Variants in RUBCN observed in about 807,000 individuals in gnomAD.
The protein encoded by RUBCN is run domain Beclin-1-interacting and cysteine-rich domain-containing protein.
RUBCN carries 74 observed loss-of-function variants against 113.2 expected under a neutral mutation model. The ratio of observed to expected loss-of-function variants is 0.65; its 90% CI spans 0.54 to 0.79. The LOEUF (loss-of-function observed/expected upper bound fraction) is 0.79. Ranked by LOEUF, RUBCN falls within the 30% of genes least tolerant of loss-of-function variation. The probability of loss-of-function intolerance (pLI) is 0.00; values close to 1 mark genes in which losing one functional copy is unlikely to be tolerated. For missense variants in RUBCN, 1,109 were observed against 1,251.7 expected (o/e 0.89, Z 1.72); for synonymous variants, 480 against 490.0 (o/e 0.98, Z 0.27).
chr3:197,674,880 TAAAA>T lies in RUBCN; in HGVS notation c.*134_*137del, dbSNP rs796413468. ...TGCACACAGACGTCAGACAAGTCAG[TAAAA>T]AAAAAAAAAAAGATGATGATAATTA... On this transcript the variant is annotated 3_prime_UTR_variant, in exon 20 of 20. Transcript: ENST00000296343. 3.7e-4 allele frequency: 169 copies of T among 462,048 alleles called. No homozygotes were observed. The African/African-American group carries it at 6.0e-3, about 16-fold the overall frequency. 28.6% of individuals were successfully genotyped at this position (462,048 alleles called of 1,614,324 possible). A position where few individuals can be genotyped will look rare whatever the true frequency, so the allele number is the denominator to read the frequency against.
intron 11 of RUBCN, among the ~76,000 whole-genome samples, chr3:197,691,787 A>T (rs1297805040): frequency 6.6e-6 from 1 of 152,004 alleles, no homozygotes; most frequent in Non-Finnish European, 1.5e-5. Flanking sequence ...TCCTCCTGAA[A>T]TTCTGACTGC....
At chr3:197,686,437 AC>A (rs1460585475) in intron 11 of RUBCN, among the ~76,000 whole-genome samples, 1 of 152,048 alleles carries the variant, frequency 6.6e-6, no homozygotes, top group African/African-American at 2.4e-5. Context: ...CAAGGCTCTG[AC>A]CCCGGACTGG....
intron 2 of RUBCN, among the ~76,000 whole-genome samples, chr3:197,711,638 G>GT (rs1274053619): frequency 6.6e-6 from 1 of 151,986 alleles, no homozygotes; most frequent in Non-Finnish European, 1.5e-5. Flanking sequence ...CTTGAGACCA[G>GT]CCTGGGCAAC....
At chr3:197,703,698 G>T (rs1393231983) in intron 4 of RUBCN, 44 bp from the exon 5 acceptor site, 1 of 1,268,360 alleles carries the variant, frequency 7.9e-7, no homozygotes, top group South Asian at 1.2e-5. Context: ...CCATCAGGGA[G>T]GCCTTGAGAG....
rs1269599931 is a variant in RUBCN, at chr3:197,675,501, T to C, written c.2661A>G (p.Lys887=). ...HVERCMLCQA[K]GFICEFCQNE... The stretch of plus-strand genomic sequence containing the variant: ...TCTGACAGAACTCACAGATGAAGCC[T>C]TTGGCTTGGCAGAGCTGGGGAGGAA... The change falls in exon 19 of 20, where the codon AAA becomes AAG. Residue 887 remains lysine, a synonymous_variant. Transcript: ENST00000296343. This position sits in a 1 kb window ranked among gnomAD's most constrained non-coding sequence, Gnocchi z 4.4. The C allele has an allele frequency of 6.2e-7, 1 of 1,613,816 alleles. No homozygotes were observed. Among genetic ancestry groups the C allele is most frequent in the Admixed American group, 1.7e-5 (1 of 60,024 alleles).
upstream of RUBCN, among the ~76,000 whole-genome samples, chr3:197,739,248 G>A (rs377177936): frequency 6.9e-6 from 1 of 144,044 alleles, no homozygotes; most frequent in Non-Finnish European, 1.5e-5. Context: ...AAAATTAGCC[G>A]GGCATGGTGG....
intron 1 of RUBCN, among the ~76,000 whole-genome samples, chr3:197,742,267 C>T (rs1314746): frequency 3.9e-5 from 6 of 152,168 alleles, no homozygotes; most frequent in Non-Finnish European, 7.4e-5. Flanking sequence ...CCGAGGTGGG[C>T]GGATCGCTTG....
intron 1 of RUBCN, among the ~76,000 whole-genome samples, chr3:197,741,909 T>C (rs1728539671): frequency 6.6e-6 from 1 of 152,076 alleles, no homozygotes; most frequent in African/African-American, 2.4e-5. Context: ...GCTTTTTCTT[T>C]TTTTTTGAGA....
At chr3:197,698,237 G>A (rs943924999) in intron 7 of RUBCN, among the ~76,000 whole-genome samples, 53 of 152,312 alleles carry the variant, frequency 3.5e-4, no homozygotes, top group Non-Finnish European at 7.2e-4. Flanking sequence ...TAAGAAGAAC[G>A]CTATTCTAAA....
chr3:197,703,397 C>CAAAAA lies in RUBCN; in HGVS notation c.570+146_570+150dup, dbSNP rs1165064210. 284 of 155,788 alleles carry CAAAAA rather than the reference C, an allele frequency of 1.8e-3. 12 individuals are homozygous for CAAAAA. The highest frequency in any genetic ancestry group is 2.2e-3 in the Admixed American group (18 of 8,308). The allele number at this position is 155,788 out of a possible 1,614,324, so 9.7% of individuals were successfully genotyped here. Reference sequence around the variant, plus strand: ...TGGGAAACAGAGCGAGACTCTGTCTCAAAAAAAAAAAAAAAAAAAAAAAAA... The same window carrying CAAAAA: ...TGGGAAACAGAGCGAGACTCTGTCTCAAAAAAAAAAAAAAAAAAAAAAAAAAAAAA... On this transcript the variant is annotated intron_variant, in intron 5 of 19. Coordinates refer to ENST00000296343, the MANE Select transcript of RUBCN (RefSeq NM_014687.4).
chr3:197,713,938 G>C (rs768222364), intron 2 of RUBCN, among the ~76,000 whole-genome samples: 3 of 151,950 alleles, frequency 2.0e-5, no homozygotes, highest in Admixed American at 6.6e-5. Flanking sequence ...TTAGCCGGGC[G>C]TGGTGGCGGG....
intron 18 of RUBCN, chr3:197,676,140 C>T: frequency 2.1e-6 from 2 of 970,764 alleles, no homozygotes; most frequent in African/African-American, 3.5e-5. Flanking sequence ...ATACAAATTA[C>T]CCCATCAACC....
intron 16 of RUBCN, among the ~76,000 whole-genome samples, chr3:197,677,956 G>T (rs1720648683): frequency 7.2e-6 from 1 of 138,030 alleles, no homozygotes; most frequent in Admixed American, 7.3e-5. Context: ...GCTCTAACTC[G>T]ACACCTGGCT....
In RUBCN at chr3:197,673,540, C is replaced by T. The variant is rs1028401205; in HGVS notation, c.*1478G>A. On this transcript the variant is annotated 3_prime_UTR_variant, in exon 20 of 20. Transcript: ENST00000296343. ...AGGCTTTAGTTCACAGAGCTGCCAG[C>T]TCTTGGAGAAGCCACTCTGACCAGT... 1.3e-5 allele frequency: 2 copies of T among 152,254 alleles called. No homozygotes were observed. Among genetic ancestry groups the T allele is most frequent in the Non-Finnish European group, 2.9e-5 (2 of 68,074 alleles). 9.4% of individuals were successfully genotyped at this position (152,254 alleles called of 1,614,324 possible).
At chr3:197,709,311 TCACCACCACCAC>T (rs1038187844) in intron 2 of RUBCN, among the ~76,000 whole-genome samples, 4 of 151,808 alleles carry the variant, frequency 2.6e-5, no homozygotes, top group African/African-American at 9.7e-5. Flanking sequence ...ACCACCACCA[TCACCACCACCAC>T]CACCAACAGA....
At chr3:197,692,279 G>C (rs1477074037) in intron 11 of RUBCN, among the ~76,000 whole-genome samples, 1 of 151,996 alleles carries the variant, frequency 6.6e-6, no homozygotes, top group African/African-American at 2.4e-5. Context: ...TGGTGCCCCA[G>C]ACACCACGGG....
chr3:197,717,305 C>A (rs191384681), intron 2 of RUBCN, among the ~76,000 whole-genome samples: 2 of 150,456 alleles, frequency 1.3e-5, no homozygotes, highest in African/African-American at 4.9e-5. Flanking sequence ...TTAGCCGGGC[C>A]TGGTGGCGGG....
At chr3:197,682,687 G>C in intron 13 of RUBCN, 72 bp from the exon 14 acceptor site, 1 of 1,599,828 alleles carries the variant, frequency 6.3e-7, no homozygotes, top group Non-Finnish European at 8.6e-7. Context: ...GATGGGCAGT[G>C]AGTCAGGGAT....
At chr3:197,743,841 G>A (rs924592616) in intron 1 of RUBCN, among the ~76,000 whole-genome samples, 10 of 151,958 alleles carry the variant, frequency 6.6e-5, no homozygotes, top group South Asian at 4.2e-4. Flanking sequence ...AAAATTAGCC[G>A]GGCGTGGTGG....
Sources: allele counts gnomAD v4.1 joint callset (sites outside exome capture counted in the v4.1 genomes callset), GRCh38; gene constraint gnomAD v4.1.1; non-coding constraint Gnocchi (gnomAD v3.1); transcripts MANE v1.5; gene names NCBI Gene and HGNC (gene_info 2026-07-23, HGNC 2026-07-21).